USHBP1: variants seen among roughly 807,000 people sequenced by gnomAD.
USHBP1 encodes USH1 protein network component harmonin binding protein 1.
Under a neutral mutation model 76.2 loss-of-function variants are expected in USHBP1, and 67 were observed. The observed-to-expected ratio is 0.88, with a 90% CI of 0.72 to 1.08. USHBP1 has a LOEUF of 1.08. USHBP1 is among the 50% of genes least tolerant of loss of function. USHBP1 has a pLI of 0.00. For synonymous variants in USHBP1, 322 were observed against 362.2 expected, an observed-to-expected ratio of 0.89 and a Z score of 1.26; for missense variants, 931 against 915.0, an observed-to-expected ratio of 1.02 and a Z score of -0.23.
At chr19:17,257,116 G>A (rs1165995728) in intron 8 of USHBP1, among the ~76,000 whole-genome samples, 3 of 150,836 alleles carry the variant, frequency 2.0e-5, no homozygotes, top group Non-Finnish European at 1.5e-5. Flanking sequence ...CACCTCTCGG[G>A]TTCACGCCAT....
intron 10 of USHBP1, among the ~76,000 whole-genome samples, chr19:17,254,462 C>A (rs1210091861): frequency 6.7e-6 from 1 of 150,184 alleles, no homozygotes; most frequent in African/African-American, 2.5e-5. Context: ...TCGAGACCAG[C>A]CTTAGTAACA....
chr19:17,258,117 C>T, intron 8 of USHBP1, 95 bp downstream of exon 8: 1 of 1,567,548 alleles, frequency 6.4e-7, no homozygotes. Flanking sequence ...CACAGCCACA[C>T]CAAGCCCCGA....
Position 17,264,057 on chromosome 19 carries a change from C to T in USHBP1, c.148G>A (p.Gly50Arg), listed in dbSNP as rs374555858. The change falls in exon 3 of 13, where the codon GGG becomes AGG. Residue 50 changes from glycine to arginine, a missense_variant. Gly to Arg is a moderately radical substitution (Grantham distance 125). Coordinates refer to ENST00000252597, the MANE Select transcript of USHBP1 (RefSeq NM_031941.4). ...PSFAPPPVSS[G>R]LEQLGPMEEV... ...TCCATGGGGCCCAGCTGCTCCAGCC[C>T]GGAGCTCACCGGAGGTGGGGCAAAG... 64 of 1,612,876 alleles carry T rather than the reference C, an allele frequency of 4.0e-5. No individual in the cohort carries two copies. The highest frequency in any genetic ancestry group is 5.0e-5 in the Admixed American group (3 of 59,882).
intron 8 of USHBP1, among the ~76,000 whole-genome samples, chr19:17,257,007 A>G (rs2073627708): frequency 6.8e-6 from 1 of 147,496 alleles, no homozygotes; most frequent in Non-Finnish European, 1.5e-5. Context: ...TAGGCAACAG[A>G]GTGAGAATCC....
chr19:17,258,151 C>T (rs972319620), intron 8 of USHBP1, 61 bp downstream of exon 8: 3 of 1,602,794 alleles, frequency 1.9e-6, no homozygotes, highest in Admixed American at 3.3e-5. Context: ...CTGGGAGCCC[C>T]ATCCCCCAGT....
Position 17,259,726 on chromosome 19 carries a change from AG to A in USHBP1, c.774del (p.Phe259SerfsTer74). 1.2e-6 allele frequency: 2 copies of A among 1,610,126 alleles called. No individual in the cohort carries two copies. Among genetic ancestry groups the A allele is most frequent in the Non-Finnish European group, 1.7e-6 (2 of 1,178,374 alleles). ...CGAAGCAGGGGGTGAGCCAGGGAGA[AG>A]GAGTCCTGCCAAGAAGAAGTGATAT... ...ADREPWETQD[S>X]FSLAHPLLRR... On this transcript the variant is annotated frameshift_variant, in exon 6 of 13. Transcript: ENST00000252597. LOFTEE classifies it high-confidence loss of function.
chr19:17,258,103 TG>T, intron 8 of USHBP1, 108 bp downstream of exon 8: 2 of 1,508,316 alleles, frequency 1.3e-6, no homozygotes, highest in Non-Finnish European at 1.8e-6. Context: ...CCGACCTTGC[TG>T]GACACAGCCA....
chr19:17,264,320 C>A lies in USHBP1; in HGVS notation c.-21G>T. 6.2e-7 allele frequency: 1 copy of A among 1,602,620 alleles called. No individual in the cohort carries two copies. On this transcript the variant is annotated 5_prime_UTR_variant, in exon 2 of 13. Transcript: ENST00000252597. ...CTCATTGCTGTCCAGAAGCCAGTGC[C>A]CTCTGAATGCTTCTCCTTCGTCAAC... is the stretch of plus-strand genomic sequence containing the variant.
rs139885314 is a variant in USHBP1, at chr19:17,263,213, T to C, written c.204-223A>G. 5.0e-3 allele frequency: 2,064 copies of C among 409,612 alleles called. 22 individuals are homozygous for C. The highest frequency in any genetic ancestry group is 0.036 in the African/African-American group (1,748 of 49,222). 25.4% of individuals were successfully genotyped at this position (409,612 alleles called of 1,614,324 possible). A position where few individuals can be genotyped will look rare whatever the true frequency, so the allele number is the denominator to read the frequency against. On this transcript the variant is annotated intron_variant, in intron 3 of 12. Coordinates refer to ENST00000252597, the MANE Select transcript of USHBP1 (RefSeq NM_031941.4). ...CCACCACGCCTGGCTAATTTTTGTA[T>C]TTTTAGTAGAGACAGGGTTTCACCA...
At chr19:17,251,406 T>G (rs1280345028) in intron 12 of USHBP1, among the ~76,000 whole-genome samples, 176 bp downstream of exon 12, 1 of 151,986 alleles carries the variant, frequency 6.6e-6, no homozygotes, top group African/African-American at 2.4e-5. Flanking sequence ...TCAAGTGATC[T>G]GCTGGCCTCA....
intron 3 of USHBP1, chr19:17,263,333 C>T (rs1288301092): frequency 2.6e-5 from 5 of 193,360 alleles, no homozygotes; most frequent in South Asian, 1.4e-4. Context: ...CCACCATGCT[C>T]GGCCCTGGGC....
intron 10 of USHBP1, among the ~76,000 whole-genome samples, chr19:17,252,659 G>A (rs1452070237): frequency 4.0e-5 from 6 of 151,510 alleles, no homozygotes; most frequent in African/African-American, 7.3e-5. Context: ...CTTGGGAGGC[G>A]GAGGTTGCAG....
intron 4 of USHBP1, among the ~76,000 whole-genome samples, chr19:17,260,995 A>C (rs2073680364): frequency 6.6e-6 from 1 of 152,102 alleles, no homozygotes; most frequent in Non-Finnish European, 1.5e-5. Flanking sequence ...TGGACCAATG[A>C]AGTCGCCTCC....
At chr19:17,261,598 C>T (rs985957907) in intron 4 of USHBP1, among the ~76,000 whole-genome samples, 1 of 150,044 alleles carries the variant, frequency 6.7e-6, no homozygotes, top group Non-Finnish European at 1.5e-5. Flanking sequence ...TCCCAAAGTG[C>T]TGGGATTACA....
At chr19:17,250,450 C>T (rs1357672093) in intron 12 of USHBP1, 36 bp from the exon 13 acceptor site, 1 of 1,593,982 alleles carries the variant, frequency 6.3e-7, no homozygotes, top group South Asian at 1.1e-5. Flanking sequence ...GGAAACAGCC[C>T]CCGAGTCCAC....
chr19:17,258,343 C>T lies in USHBP1; in HGVS notation c.1089G>A (p.Arg363=). The change falls in exon 8 of 13, where the codon CGG becomes CGA. Residue 363 remains arginine, a synonymous_variant. Coordinates refer to ENST00000252597, the MANE Select transcript of USHBP1 (RefSeq NM_031941.4). ...EEAYRVLLAL[R]EADSGAGDEA... is the part of the protein sequence containing the mutation. Reference sequence around the variant, plus strand: ...CGTCTCCTGCTCCTGAGTCGGCCTCCCGCAGAGCAAGCAGAACCCTGTATG... The same window carrying T: ...CGTCTCCTGCTCCTGAGTCGGCCTCTCGCAGAGCAAGCAGAACCCTGTATG... The T allele has an allele frequency of 6.2e-7, 1 of 1,614,036 alleles. No individual in the cohort carries two copies. The highest frequency in any genetic ancestry group is 8.5e-7 in the Non-Finnish European group (1 of 1,180,022).
At chr19:17,258,133 G>A in intron 8 of USHBP1, 79 bp downstream of exon 8, 6 of 1,591,736 alleles carry the variant, frequency 3.8e-6, no homozygotes, top group Non-Finnish European at 4.3e-6. Flanking sequence ...CCCGAAACGT[G>A]GTGAGCTCTG....
chr19:17,253,724 T>A (rs1334537254), intron 10 of USHBP1, among the ~76,000 whole-genome samples: 1 of 147,848 alleles, frequency 6.8e-6, no homozygotes, highest in Non-Finnish European at 1.5e-5. Context: ...TGAAACCCTG[T>A]CACTACTAAA....
intron 8 of USHBP1, among the ~76,000 whole-genome samples, chr19:17,257,224 G>C (rs937609410): frequency 6.8e-6 from 1 of 146,022 alleles, no homozygotes; most frequent in African/African-American, 2.5e-5. Context: ...GTAGAGACGA[G>C]GTTTCACCGT....
Sources: allele counts gnomAD v4.1 joint callset (sites outside exome capture counted in the v4.1 genomes callset), GRCh38; gene constraint gnomAD v4.1.1; transcripts MANE v1.5; gene names NCBI Gene and HGNC (gene_info 2026-07-23, HGNC 2026-07-21).